Variants in NPSR1 observed in about 807,000 individuals in gnomAD.
NPSR1 encodes the protein neuropeptide S receptor.
In NPSR1, 48 loss-of-function variants were observed where a neutral mutation model predicts 46.9. The observed-to-expected ratio is 1.02, with a 90% confidence interval of 0.81 to 1.30. The LOEUF is 1.30. Ranked by LOEUF, NPSR1 falls within the 50% of genes most tolerant of loss-of-function variation. The probability of loss-of-function intolerance (pLI) is 0.00; values close to 1 mark genes in which losing one functional copy is unlikely to be tolerated. For missense variants in NPSR1, 450 were observed against 449.5 expected, an observed-to-expected ratio of 1.00 and a Z score of -0.01; for synonymous variants, 176 against 168.1, an observed-to-expected ratio of 1.05 and a Z score of -0.36.
intron 3 of NPSR1, among the ~76,000 whole-genome samples, chr7:34,796,873 A>G (rs1376222334): frequency 6.6e-6 from 1 of 152,184 alleles, no homozygotes; most frequent in African/African-American, 2.4e-5. Context: ...ACACCTGCAT[A>G]CAAACGTTTA....
chr7:34,681,424 C>A (rs1279899912), intron 1 of NPSR1, among the ~76,000 whole-genome samples: 1 of 152,204 alleles, frequency 6.6e-6, no homozygotes, highest in Non-Finnish European at 1.5e-5. Flanking sequence ...CACCCTACAT[C>A]CATGAACATG....
At chr7:34,719,856 TGACA>T (rs560556792) in intron 2 of NPSR1, 22 of 152,086 alleles carry the variant, frequency 1.4e-4, no homozygotes, top group African/African-American at 4.3e-4. Flanking sequence ...AAACCACCAG[TGACA>T]GACAGTCTAA....
chr7:34,705,521 C>T (rs1455156561), intron 2 of NPSR1, among the ~76,000 whole-genome samples: 1 of 150,262 alleles, frequency 6.7e-6, no homozygotes, highest in Non-Finnish European at 1.5e-5. Context: ...TTGTTTTATA[C>T]ATTTCAATGG....
intron 3 of NPSR1, among the ~76,000 whole-genome samples, chr7:34,781,185 A>G (rs1252759845): frequency 6.6e-6 from 1 of 152,164 alleles, no homozygotes; most frequent in Admixed American, 6.5e-5. Context: ...TTGCCTGGCT[A>G]AGTGTCAAAA....
intron 5 of NPSR1, among the ~76,000 whole-genome samples, chr7:34,833,588 T>C (rs1313853971): frequency 6.6e-6 from 1 of 152,212 alleles, no homozygotes; most frequent in African/African-American, 2.4e-5. Context: ...TAGTTATCTA[T>C]TACTGCATTA....
intron 2 of NPSR1, among the ~76,000 whole-genome samples, chr7:34,702,580 A>C (rs1183000417): frequency 3.9e-5 from 6 of 152,262 alleles, no homozygotes; most frequent in South Asian, 2.1e-4. Context: ...CTAATGACTT[A>C]TTATCTTGGC....
chr7:34,659,447 T>G (rs1242678521), intron 1 of NPSR1, among the ~76,000 whole-genome samples: 3 of 152,222 alleles, frequency 2.0e-5, no homozygotes, highest in African/African-American at 7.2e-5. Context: ...TTGTTGTTGT[T>G]GTTAATCCTC....
chr7:34,793,405 T>C (rs1788031020), intron 3 of NPSR1, among the ~76,000 whole-genome samples: 1 of 151,984 alleles, frequency 6.6e-6, no homozygotes, highest in South Asian at 2.1e-4. Flanking sequence ...ATGACCTGAA[T>C]AGACATTTCT....
intron 4 of NPSR1, among the ~76,000 whole-genome samples, chr7:34,823,724 A>T (rs1203175394): frequency 1.3e-5 from 2 of 152,220 alleles, no homozygotes; most frequent in Non-Finnish European, 2.9e-5. Context: ...TAAATTATTT[A>T]TAATAAAAAA....
chr7:34,707,512 G>A (rs1398551064), intron 2 of NPSR1, among the ~76,000 whole-genome samples: 2 of 152,178 alleles, frequency 1.3e-5, no homozygotes, highest in Non-Finnish European at 2.9e-5. Context: ...ATTCCATACT[G>A]TGATTATTTA....
intron 4 of NPSR1, among the ~76,000 whole-genome samples, chr7:34,821,131 T>A: frequency 7.1e-6 from 1 of 140,122 alleles, no homozygotes; most frequent in East Asian, 2.0e-4. Context: ...GATACACTTT[T>A]TTTTTTTTTT....
At chr7:34,757,216 A>C in intron 2 of NPSR1, among the ~76,000 whole-genome samples, 1 of 152,144 alleles carries the variant, frequency 6.6e-6, no homozygotes, top group Non-Finnish European at 1.5e-5. Flanking sequence ...AAACAATCCA[A>C]ATTTCACTGA....
chr7:34,815,819 T>C (rs898328512), intron 4 of NPSR1, among the ~76,000 whole-genome samples: 3 of 152,062 alleles, frequency 2.0e-5, no homozygotes, highest in Admixed American at 6.6e-5. Context: ...CCAAACTAAG[T>C]TTCATAAGTG....
At chr7:34,864,543 CA>C (rs1309842901) in intron 8 of NPSR1, among the ~76,000 whole-genome samples, 3 of 151,598 alleles carry the variant, frequency 2.0e-5, no homozygotes, top group African/African-American at 7.3e-5. Context: ...AGTTGAAGTC[CA>C]AAATCATATT....
chr7:34,848,039 T>G (rs1790802492), intron 7 of NPSR1, among the ~76,000 whole-genome samples: 1 of 152,212 alleles, frequency 6.6e-6, no homozygotes. Flanking sequence ...TGATCACCCC[T>G]TCTCCCTGAC....
chr7:34,659,733 C>T (rs1791357513), intron 1 of NPSR1, among the ~76,000 whole-genome samples: 1 of 152,152 alleles, frequency 6.6e-6, no homozygotes, highest in African/African-American at 2.4e-5. Flanking sequence ...TGCACAGCTC[C>T]ACGATGTAGC....
chr7:34,750,364 G>A, intron 2 of NPSR1: 1 of 735,208 alleles, frequency 1.4e-6, no homozygotes, highest in Non-Finnish European at 2.6e-6. Context: ...CACTTGAGAA[G>A]ACAACTTTTG....
At chr7:34,751,057 TC>T (rs1297120707) in intron 2 of NPSR1, 13 of 779,564 alleles carry the variant, frequency 1.7e-5, no homozygotes, top group Non-Finnish European at 2.6e-5. Flanking sequence ...AGCATGGCCA[TC>T]TCACTCACCT....
intron 1 of NPSR1, among the ~76,000 whole-genome samples, chr7:34,660,987 C>A (rs192570451): frequency 0.021 from 3,177 of 152,284 alleles, 41 homozygotes; most frequent in Middle Eastern, 0.034. Context: ...TCCTCAAGCT[C>A]CTTGAGTAAA....
Sources: gnomAD v4.1 joint callset for allele counts (sites outside exome capture counted in the v4.1 genomes callset) on GRCh38, gnomAD v4.1.1 for gene constraint, MANE v1.5 for transcripts, NCBI Gene and HGNC (gene_info 2026-07-23, HGNC 2026-07-21) for gene names.